The following PTPRK variants were observed in gnomAD, a reference collection of about 807,000 sequenced individuals.
The protein encoded by PTPRK is protein tyrosine phosphatase receptor type K, also known as receptor-type tyrosine-protein phosphatase kappa.
PTPRK carries 75 observed loss-of-function variants against 178.0 expected under a neutral mutation model. That is an observed-to-expected ratio of 0.42 (90% CI 0.35 to 0.51). The LOEUF is 0.51. PTPRK is among the 20% of genes least tolerant of loss of function. PTPRK has a pLI of 0.02. For missense variants in PTPRK, 1,441 were observed against 1,797.8 expected (o/e 0.80, Z 3.59); for synonymous variants, 637 against 620.6 (o/e 1.03, Z -0.39).
intron 25 of PTPRK, among the ~76,000 whole-genome samples, chr6:127,979,101 T>C (rs1774946909): frequency 6.6e-6 from 1 of 151,632 alleles, no homozygotes; most frequent in African/African-American, 2.4e-5. Flanking sequence ...CAAGACCCCA[T>C]CTTTACAAAA....
chr6:128,505,903 C>G (rs1856262632), intron 1 of PTPRK, among the ~76,000 whole-genome samples: 1 of 152,050 alleles, frequency 6.6e-6, no homozygotes, highest in Non-Finnish European at 1.5e-5. Flanking sequence ...GTGGCTTTAC[C>G]CAGAGAACAG....
intron 3 of PTPRK, among the ~76,000 whole-genome samples, chr6:128,243,488 T>TAAAAAAAAAAAA (rs760606919): frequency 6.8e-5 from 4 of 59,134 alleles, no homozygotes; most frequent in Non-Finnish European, 1.1e-4. Context: ...AGCCTGTCGC[T>TAAAAAAAAAAAA]AAAAAAAAAA....
chr6:128,098,230 TC>T, intron 7 of PTPRK, among the ~76,000 whole-genome samples: 1 of 152,244 alleles, frequency 6.6e-6, no homozygotes, highest in Middle Eastern at 3.4e-3. Context: ...TTGAAATAAT[TC>T]CAATTATTCA....
At chr6:128,098,649 G>C (rs1254216091) in intron 7 of PTPRK, among the ~76,000 whole-genome samples, 1 of 151,868 alleles carries the variant, frequency 6.6e-6, no homozygotes, top group Non-Finnish European at 1.5e-5. Context: ...TTTGAAACAG[G>C]CATTATTTCT....
chr6:128,134,204 T>G (rs2114476640), intron 7 of PTPRK, among the ~76,000 whole-genome samples: 1 of 152,340 alleles, frequency 6.6e-6, no homozygotes, highest in South Asian at 2.1e-4. Context: ...ATAGCTTTTC[T>G]TAGGACATGC....
chr6:128,141,980 A>T (rs1258233468), intron 7 of PTPRK, among the ~76,000 whole-genome samples: 1 of 151,944 alleles, frequency 6.6e-6, no homozygotes, highest in Non-Finnish European at 1.5e-5. Flanking sequence ...CCAAATATCA[A>T]ATTATTTCTG....
intron 1 of PTPRK, among the ~76,000 whole-genome samples, chr6:128,404,790 C>T (rs1200311604): frequency 6.6e-6 from 1 of 152,066 alleles, no homozygotes; most frequent in Non-Finnish European, 1.5e-5. Context: ...GTGAAAAGTA[C>T]CCCAAAGAAG....
At chr6:128,148,983 C>A (rs554628359) in intron 7 of PTPRK, among the ~76,000 whole-genome samples, 114 of 151,940 alleles carry the variant, frequency 7.5e-4, no homozygotes, top group Non-Finnish European at 1.5e-3. Context: ...TTACCTGTTT[C>A]CATGATTTCA....
chr6:128,272,105 G>A, intron 3 of PTPRK, among the ~76,000 whole-genome samples: 1 of 151,946 alleles, frequency 6.6e-6, no homozygotes, highest in East Asian at 1.9e-4. Context: ...CAAGACATGG[G>A]GAAAGGATTC....
chr6:128,464,294 G>C lies in PTPRK; in HGVS notation c.100+55965C>G, dbSNP rs564437748. On this transcript the variant is annotated intron_variant, in intron 1 of 29. Transcript: ENST00000368226. ...AAGTCAAACAGGCGTCTAGTCTCTA[G>C]ATGGAAAGAAAATATGAAGACATAA... Among the ~76,000 whole-genome samples, 8 of 152,064 alleles carry C rather than the reference G, an allele frequency of 5.3e-5. No homozygotes were observed. In the South Asian group the frequency reaches 1.7e-3, roughly 32 times the overall value.
chr6:128,376,620 C>T (rs1374260122), intron 2 of PTPRK, among the ~76,000 whole-genome samples: 1 of 152,202 alleles, frequency 6.6e-6, no homozygotes, highest in Non-Finnish European at 1.5e-5. Flanking sequence ...ATTTCTGCAG[C>T]AGGCTTGAAT....
intron 3 of PTPRK, among the ~76,000 whole-genome samples, chr6:128,298,466 C>A (rs572322120): frequency 6.6e-6 from 1 of 151,268 alleles, no homozygotes; most frequent in East Asian, 1.9e-4. Flanking sequence ...TGCAAAAATC[C>A]TCAATAAAAT....
At chr6:128,405,717 C>T (rs945542858) in intron 1 of PTPRK, among the ~76,000 whole-genome samples, 1 of 152,072 alleles carries the variant, frequency 6.6e-6, no homozygotes, top group African/African-American at 2.4e-5. Flanking sequence ...TCAGCAGTTG[C>T]TCCTGACTTA....
At chr6:128,365,566 C>A (rs998485660) in intron 2 of PTPRK, among the ~76,000 whole-genome samples, 1 of 152,088 alleles carries the variant, frequency 6.6e-6, no homozygotes, top group African/African-American at 2.4e-5. Flanking sequence ...ACCATTCATA[C>A]TAACATGCTA....
chr6:128,334,855 T>C (rs1002125576), intron 2 of PTPRK, among the ~76,000 whole-genome samples: 2 of 152,132 alleles, frequency 1.3e-5, no homozygotes, highest in African/African-American at 4.8e-5. Flanking sequence ...CTTTGGGGGC[T>C]GAGGAGGACT....
intron 1 of PTPRK, among the ~76,000 whole-genome samples, chr6:128,461,231 C>CATGT (rs1849013204): frequency 6.8e-6 from 1 of 146,980 alleles, no homozygotes; most frequent in Admixed American, 6.8e-5. Flanking sequence ...TTTGTTATTC[C>CATGT]GTGTGTGTGT....
chr6:128,223,423 T>C (rs1209016336), intron 5 of PTPRK, among the ~76,000 whole-genome samples: 1 of 151,894 alleles, frequency 6.6e-6, no homozygotes, highest in Non-Finnish European at 1.5e-5. Flanking sequence ...ATACCACAAC[T>C]CAGAGAGGCT....
chr6:128,213,415 A>T (rs1024377846), intron 6 of PTPRK, among the ~76,000 whole-genome samples: 2 of 152,040 alleles, frequency 1.3e-5, no homozygotes, highest in African/African-American at 4.8e-5. Context: ...TTAAATATTT[A>T]GGGGTTTTGG....
chr6:128,405,573 T>C (rs1156280533), intron 1 of PTPRK, among the ~76,000 whole-genome samples: 2 of 152,190 alleles, frequency 1.3e-5, no homozygotes, highest in African/African-American at 4.8e-5. Flanking sequence ...CATATTTACA[T>C]TTTGGTAAAA....
Sources: gnomAD v4.1 joint callset for allele counts (sites outside exome capture counted in the v4.1 genomes callset) on GRCh38, gnomAD v4.1.1 for gene constraint, MANE v1.5 for transcripts, NCBI Gene and HGNC (gene_info 2026-07-23, HGNC 2026-07-21) for gene names.